Variants in C2orf49 observed in about 807,000 individuals in gnomAD.
C2orf49 encodes the protein tRNA splicing ligase complex subunit 2.
C2orf49 carries 11 observed loss-of-function variants against 20.6 expected under a neutral mutation model. That is an observed-to-expected ratio of 0.53 (90% CI 0.34 to 0.88). The LOEUF (loss-of-function observed/expected upper bound fraction) is 0.88. C2orf49 is among the 40% of genes least tolerant of loss of function. The probability of loss-of-function intolerance (pLI) is 0.02; values close to 1 mark genes in which losing one functional copy is unlikely to be tolerated. For missense variants in C2orf49, 289 were observed against 274.2 expected (o/e 1.05, Z -0.38); for synonymous variants, 134 against 108.5 (o/e 1.24, Z -1.46).
downstream of C2orf49, among the ~76,000 whole-genome samples, chr2:105,350,436 CTGTT>C (rs371995819): frequency 2.2e-4 from 34 of 152,324 alleles, no homozygotes; most frequent in East Asian, 4.4e-3. Flanking sequence ...CAATTGGAAG[CTGTT>C]TGTTAACTCT....
the C2orf49 span, chr2:105,367,745 A>T: frequency 6.2e-5 from 100 of 1,612,592 alleles, no homozygotes; most frequent in Non-Finnish European, 8.2e-5. Context: ...GGTACCTGTC[A>T]TCAGGGTCAA....
chr2:105,357,238 T>C, the C2orf49 span, among the ~76,000 whole-genome samples: 1 of 152,218 alleles, frequency 6.6e-6, no homozygotes, highest in Admixed American at 6.5e-5. Context: ...GCTCTTTTAA[T>C]TTCTCTTCAC....
At chr2:105,366,366 C>T in the C2orf49 span, among the ~76,000 whole-genome samples, 5 of 152,184 alleles carry the variant, frequency 3.3e-5, no homozygotes, top group East Asian at 1.9e-4. Flanking sequence ...ATGGCCCAGA[C>T]GCAAGGGTAG....
At position 105,347,385 on chromosome 2, in the gene C2orf49, T is replaced by A. The variant is rs1021792845; in HGVS notation, c.*2014T>A. ...TGTTGCTCTCTTAGTTGAGAGAGAG[T>A]TAGCCATTTGACGATTTTAAGTCAG... On this transcript the variant is annotated 3_prime_UTR_variant, in exon 4 of 4. Coordinates refer to ENST00000258457, the MANE Select transcript of C2orf49 (RefSeq NM_024093.3). 7.2e-5 allele frequency: 11 copies of A among 152,220 alleles called. No homozygotes were observed. The highest frequency in any genetic ancestry group is 2.9e-5 in the Non-Finnish European group (2 of 68,030). The allele number at this position is 152,220 out of a possible 1,614,324, so 9.4% of individuals were successfully genotyped here. A position where few individuals can be genotyped will look rare whatever the true frequency, so the allele number is the denominator to read the frequency against.
At chr2:105,350,492 T>C (rs948667412), downstream of C2orf49, among the ~76,000 whole-genome samples, 1 of 152,250 alleles carries the variant, frequency 6.6e-6, no homozygotes, top group Non-Finnish European at 1.5e-5. Context: ...AAAAATAGAC[T>C]AGTTGAGTAA....
the C2orf49 span, chr2:105,378,395 CCG>C: frequency 2.9e-6 from 1 of 348,800 alleles, no homozygotes; most frequent in African/African-American, 2.2e-5. Context: ...AAGGTGAAGG[CCG>C]CATTCTCTCA....
chr2:105,351,962 C>T (rs1362707239), downstream of C2orf49, among the ~76,000 whole-genome samples: 1 of 152,196 alleles, frequency 6.6e-6, no homozygotes, highest in East Asian at 1.9e-4. Context: ...GTCTCTAACT[C>T]TAATCTATTA....
chr2:105,358,194 C>A, the C2orf49 span: 1 of 152,244 alleles, frequency 6.6e-6, no homozygotes, highest in Non-Finnish European at 1.5e-5. Flanking sequence ...TTTTGACAAT[C>A]CCCTTAGGCA....
downstream of C2orf49, among the ~76,000 whole-genome samples, chr2:105,350,153 C>A (rs1405614975): frequency 6.6e-6 from 1 of 152,094 alleles, no homozygotes; most frequent in East Asian, 1.9e-4. Flanking sequence ...TGGGATCAGT[C>A]CAAATTGATG....
At chr2:105,373,725 A>G in the C2orf49 span, 12 of 1,613,792 alleles carry the variant, frequency 7.4e-6, no homozygotes, top group South Asian at 1.3e-4. Context: ...GGTCCTTGTA[A>G]GACAAGTCCT....
At chr2:105,353,631 C>A (rs144446457), downstream of C2orf49, among the ~76,000 whole-genome samples, 5 of 152,286 alleles carry the variant, frequency 3.3e-5, no homozygotes, top group South Asian at 1.0e-3. Context: ...AAGCTTTATT[C>A]TTCCTGGGCT....
the C2orf49 span, among the ~76,000 whole-genome samples, chr2:105,372,943 CA>C: frequency 6.6e-6 from 1 of 152,286 alleles, no homozygotes; most frequent in Non-Finnish European, 1.5e-5. Flanking sequence ...AAAAACAAAA[CA>C]AAACAAATAA....
the C2orf49 span, among the ~76,000 whole-genome samples, chr2:105,379,100 A>G: frequency 6.6e-6 from 1 of 152,172 alleles, no homozygotes; most frequent in African/African-American, 2.4e-5. Flanking sequence ...AAGGGCCCAA[A>G]TGCCAGATTG....
At chr2:105,350,127 A>G (rs1051347475), downstream of C2orf49, among the ~76,000 whole-genome samples, 9 of 152,226 alleles carry the variant, frequency 5.9e-5, no homozygotes, top group African/African-American at 2.2e-4. Flanking sequence ...CTAAAGTTGT[A>G]TGATGAGCTT....
chr2:105,378,102 GA>G, the C2orf49 span: 3 of 459,672 alleles, frequency 6.5e-6, no homozygotes, highest in African/African-American at 6.0e-5. Context: ...ATGGAGGAAA[GA>G]GCACATCAGC....
chr2:105,360,648 G>T, the C2orf49 span: 5 of 152,690 alleles, frequency 3.3e-5, no homozygotes, highest in African/African-American at 1.2e-4. Context: ...GAGCCACCGT[G>T]CCCAGCCGAA....
chr2:105,343,033 C>T lies in C2orf49; in HGVS notation c.452C>T (p.Pro151Leu), dbSNP rs1679713169. Reference sequence around the variant, plus strand: ...TCAAATTCCTCTTCGAGTGTTTCACCCCTAATTTTGTCTTCCAATTTGCCT... The same window carrying T: ...TCAAATTCCTCTTCGAGTGTTTCACTCCTAATTTTGTCTTCCAATTTGCCT... ...KLSNSSSSVS[P>L]LILSSNLPVN... Residue 151 changes from proline to leucine, a missense_variant, in exon 3 of 4, where the codon CCC (proline) becomes CTC (leucine). Transcript: ENST00000258457. 6.2e-7 allele frequency: 1 copy of T among 1,614,150 alleles called. No individual in the cohort carries two copies. The highest frequency in any genetic ancestry group is 8.5e-7 in the Non-Finnish European group (1 of 1,180,030).
At chr2:105,352,452 GTT>G (rs71379724), downstream of C2orf49, among the ~76,000 whole-genome samples, 4 of 68,054 alleles carry the variant, frequency 5.9e-5, no homozygotes, top group East Asian at 2.1e-3. Context: ...TTTTTTTTTC[GTT>G]TTTTTTTTGA....
chr2:105,367,532 G>A, the C2orf49 span: 3 of 1,568,452 alleles, frequency 1.9e-6, no homozygotes, highest in Non-Finnish European at 1.7e-6. Context: ...AGGCAAACCA[G>A]CCAGAACGTG....
Sources: gnomAD v4.1 joint callset for allele counts (sites outside exome capture counted in the v4.1 genomes callset) on GRCh38, gnomAD v4.1.1 for gene constraint, MANE v1.5 for transcripts, NCBI Gene and HGNC (gene_info 2026-07-23, HGNC 2026-07-21) for gene names.